The following GAREM1 variants were observed in gnomAD, a reference collection of about 807,000 sequenced individuals.
GAREM1 encodes the protein GRB2 associated regulator of MAPK1 subtype 1, also known as GRB2-associated and regulator of MAPK protein 1.
A neutral mutation model predicts 71.3 loss-of-function variants in GAREM1; 26 were observed. That is an observed-to-expected ratio of 0.36 (90% CI 0.27 to 0.51). GAREM1 has a LOEUF of 0.51. Among genes scored for constraint, GAREM1 ranks in the 20% least tolerant of loss-of-function variants. The pLI is 0.95. For synonymous variants in GAREM1, 440 were observed against 433.2 expected (o/e 1.02, Z -0.20); for missense variants, 1,026 against 1,103.1 (o/e 0.93, Z 0.99).
At position 32,267,956 on chromosome 18, in the gene GAREM1, T is replaced by G; in HGVS notation, c.2546A>C (p.Glu849Ala). 1 of 1,614,036 alleles carries G rather than the reference T, an allele frequency of 6.2e-7. No homozygotes were observed. The highest frequency in any genetic ancestry group is 8.5e-7 in the Non-Finnish European group (1 of 1,179,920). ...DGNLLVQLTE[E>A]ILSEDFKLSK... ...CAATTTGAAATCCTCTGAGAGGATT[T>G]CTTCCGTTAGCTGAACAAGCAGGTT... The change falls in exon 6 of 6, where the codon GAA becomes GCA. Residue 849 changes from glutamate (E) to alanine (A), a missense_variant. This residue lies in a region of GAREM1 where 636 missense variants were observed against 631.2 expected (regional missense o/e 1.01). Transcript: ENST00000269209.
At chr18:32,315,099 C>T (rs984916714) in intron 2 of GAREM1, among the ~76,000 whole-genome samples, 3 of 152,186 alleles carry the variant, frequency 2.0e-5, no homozygotes, top group African/African-American at 7.2e-5. Flanking sequence ...GAGTAGTCTA[C>T]AGATGCTCAA....
In GAREM1 at chr18:32,270,437, C is replaced by T. The variant is rs2041443837; in HGVS notation, c.1567-54G>A. ...GCAACAGACTGACAATGCCACGGGG[C>T]GCCAGCTCAATCCTGAAGACTTGCT... On this transcript the variant is annotated intron_variant, in intron 4 of 5. Coordinates refer to ENST00000269209, the MANE Select transcript of GAREM1 (RefSeq NM_001242409.2). The T allele has an allele frequency of 6.0e-6, 9 of 1,491,838 alleles. No individual in the cohort carries two copies. The Admixed American group carries it at 8.3e-5, about 14-fold the overall frequency. The allele number at this position is 1,491,838 out of a possible 1,614,324, so 92.4% of individuals were successfully genotyped here. A position where few individuals can be genotyped will look rare whatever the true frequency, so the allele number is the denominator to read the frequency against.
At chr18:32,392,123 T>A (rs1348657253) in intron 2 of GAREM1, among the ~76,000 whole-genome samples, 1 of 152,020 alleles carries the variant, frequency 6.6e-6, no homozygotes, top group African/African-American at 2.4e-5. Flanking sequence ...ACTTGGAAAA[T>A]ATTGAACAAT....
At chr18:32,396,106 A>T (rs1462907452) in intron 1 of GAREM1, among the ~76,000 whole-genome samples, 2 of 152,210 alleles carry the variant, frequency 1.3e-5, no homozygotes, top group Admixed American at 6.5e-5. Flanking sequence ...GAGGGTCGTG[A>T]CTGTTAGAAG....
chr18:32,267,961 C>T lies in GAREM1; in HGVS notation c.2541G>A (p.Thr847=), dbSNP rs758656351. Residue 847 remains threonine, a synonymous_variant, in exon 6 of 6, where the codon ACG becomes ACA. Coordinates refer to ENST00000269209, the MANE Select transcript of GAREM1 (RefSeq NM_001242409.2). ...KIDGNLLVQL[T]EEILSEDFKL... ...TGAAATCCTCTGAGAGGATTTCTTC[C>T]GTTAGCTGAACAAGCAGGTTCCCAT... 50 of 1,613,516 alleles carry T rather than the reference C, an allele frequency of 3.1e-5. No homozygotes were observed. Among genetic ancestry groups the T allele is most frequent in the Non-Finnish European group, 3.6e-5 (43 of 1,179,624 alleles).
chr18:32,281,332 T>C (rs1264099148), intron 4 of GAREM1, among the ~76,000 whole-genome samples: 3 of 152,048 alleles, frequency 2.0e-5, no homozygotes, highest in African/African-American at 4.8e-5. Flanking sequence ...AAGCACCTAC[T>C]AGGCTAGGCC....
intron 1 of GAREM1, among the ~76,000 whole-genome samples, chr18:32,393,521 G>A (rs1057422416): frequency 1.3e-5 from 2 of 152,074 alleles, no homozygotes. Context: ...TTCAAAGCTA[G>A]GTCAGATAGA....
intron 1 of GAREM1, among the ~76,000 whole-genome samples, chr18:32,422,203 T>C (rs539508780): frequency 5.9e-4 from 89 of 152,084 alleles, no homozygotes; most frequent in African/African-American, 2.0e-3. Flanking sequence ...TGTGTTCTCA[T>C]TGTTCAATTC....
intron 4 of GAREM1, among the ~76,000 whole-genome samples, chr18:32,282,414 G>A (rs2046963684): frequency 6.6e-6 from 1 of 152,180 alleles, no homozygotes; most frequent in East Asian, 1.9e-4. Context: ...GACAGAGTTA[G>A]ACTCCGTCTA....
chr18:32,325,521 T>C (rs578131027), intron 2 of GAREM1, among the ~76,000 whole-genome samples: 1 of 152,256 alleles, frequency 6.6e-6, no homozygotes, highest in African/African-American at 2.4e-5. Flanking sequence ...GCCGTGAATC[T>C]AAAACTGCTC....
rs9955260 is a variant in GAREM1 at position 32,302,675 on chromosome 18, C to G, written c.393+7518G>C. ...ACTAAAAACATCAAACTCATGGATACAGAGAGAATGGTGGCTGTCAGAGGC... is the reference window on the plus strand; with the variant it reads ...ACTAAAAACATCAAACTCATGGATAGAGAGAGAATGGTGGCTGTCAGAGGC... On this transcript the variant is annotated intron_variant, in intron 3 of 5. Transcript: ENST00000269209. 3.9e-4 allele frequency among the ~76,000 whole-genome samples: 60 copies of G among 152,180 alleles called. 2 individuals carry two copies. Among genetic ancestry groups the G allele is most frequent in the African/African-American group, 1.4e-3 (59 of 41,508 alleles).
rs564470646 is a variant in GAREM1 at position 32,470,529 on chromosome 18, G to C, written c.-101C>G. ...CTCGCGCTCGCGGTCTGGGGCGCGCGGGAGGCGCCGGGCAGCTCCGGCCGC... is the reference window on the plus strand; with the variant it reads ...CTCGCGCTCGCGGTCTGGGGCGCGCCGGAGGCGCCGGGCAGCTCCGGCCGC... On this transcript the variant is annotated 5_prime_UTR_variant, in exon 1 of 6. Coordinates refer to ENST00000269209, the MANE Select transcript of GAREM1 (RefSeq NM_001242409.2). The surrounding 1 kb of genome is among the most constrained non-coding windows in gnomAD (Gnocchi z 4.4). The C allele has an allele frequency of 1.2e-6, 1 of 857,710 alleles. No individual in the cohort carries two copies. The highest frequency in any genetic ancestry group is 1.8e-5 in the African/African-American group (1 of 54,370). 53.1% of individuals were successfully genotyped at this position (857,710 alleles called of 1,614,324 possible).
intron 1 of GAREM1, among the ~76,000 whole-genome samples, chr18:32,466,801 T>C (rs1025091370): frequency 2.7e-4 from 41 of 152,194 alleles, no homozygotes; most frequent in African/African-American, 8.4e-4. Flanking sequence ...CTGATCTTAA[T>C]TGCACTGCTG....
intron 1 of GAREM1, among the ~76,000 whole-genome samples, chr18:32,463,812 G>A (rs1208699793): frequency 1.6e-4 from 24 of 151,452 alleles, no homozygotes; most frequent in African/African-American, 4.4e-4. Flanking sequence ...CTCGTGATCC[G>A]CCCACCTCAG....
chr18:32,444,558 C>T (rs1175385881), intron 1 of GAREM1, among the ~76,000 whole-genome samples: 1 of 152,160 alleles, frequency 6.6e-6, no homozygotes, highest in Non-Finnish European at 1.5e-5. Context: ...AGAAATTTCA[C>T]ATTCTATTCT....
intron 1 of GAREM1, among the ~76,000 whole-genome samples, chr18:32,409,175 A>G (rs972948185): frequency 1.3e-5 from 2 of 152,216 alleles, no homozygotes; most frequent in African/African-American, 2.4e-5. Context: ...TGCTTTCTGC[A>G]TGAACTATCT....
intron 2 of GAREM1, among the ~76,000 whole-genome samples, chr18:32,387,831 T>C (rs917578866): frequency 6.6e-6 from 1 of 152,182 alleles, no homozygotes; most frequent in Non-Finnish European, 1.5e-5. Context: ...ATTTTTCATA[T>C]TAAGAATTTC....
chr18:32,317,446 T>C (rs905514545), intron 2 of GAREM1, among the ~76,000 whole-genome samples: 3 of 151,792 alleles, frequency 2.0e-5, no homozygotes, highest in African/African-American at 7.3e-5. Context: ...CTCGTCCTTT[T>C]ATTGCATACC....
chr18:32,293,565 C>T (rs1463751744), intron 3 of GAREM1, among the ~76,000 whole-genome samples: 1 of 152,080 alleles, frequency 6.6e-6, no homozygotes, highest in Admixed American at 6.6e-5. Flanking sequence ...TTATTTATTA[C>T]TATTATACTT....
Sources: allele counts gnomAD v4.1 joint callset (sites outside exome capture counted in the v4.1 genomes callset), GRCh38; gene constraint gnomAD v4.1.1; regional missense constraint gnomAD v4.1.1; non-coding constraint Gnocchi (gnomAD v3.1); transcripts MANE v1.5; gene names NCBI Gene and HGNC (gene_info 2026-07-23, HGNC 2026-07-21).